Variants in GPC6 observed in about 807,000 individuals in gnomAD.
GPC6 encodes the protein glypican 6, also known as glypican-6.
A neutral mutation model predicts 55.2 loss-of-function variants in GPC6; 14 were observed. The observed-to-expected ratio is 0.25, with a 90% CI of 0.17 to 0.40. The LOEUF (loss-of-function observed/expected upper bound fraction) is 0.40. Ranked by LOEUF, GPC6 falls within the 10% of genes least tolerant of loss-of-function variation. The pLI is 1.00. For missense variants in GPC6, 641 were observed against 708.5 expected, an observed-to-expected ratio of 0.90 and a Z score of 1.08; for synonymous variants, 278 against 259.6, an observed-to-expected ratio of 1.07 and a Z score of -0.68.
At chr13:93,487,366 T>C (rs1879766508) in intron 1 of GPC6, among the ~76,000 whole-genome samples, 1 of 152,184 alleles carries the variant, frequency 6.6e-6, no homozygotes, top group African/African-American at 2.4e-5. Flanking sequence ...TTCTCCCTTC[T>C]CCCATCCTCT....
rs145461989 is a variant in GPC6 at position 93,717,257 on chromosome 13, A to T, written c.320-112897A>T. Among the ~76,000 whole-genome samples, 144 of 151,858 alleles carry T rather than the reference A, an allele frequency of 9.5e-4. 1 individual carries two copies. Among genetic ancestry groups the T allele is most frequent in the Non-Finnish European group, 1.8e-3 (120 of 67,778 alleles). On this transcript the variant is annotated intron_variant, in intron 2 of 8. Transcript: ENST00000377047. The stretch of plus-strand genomic sequence containing the variant: ...GTACTGTAGTTATTCTATAAATAAA[A>T]GGTCCAGTTTACCTTCATAATGAAA...
chr13:93,674,294 C>A (rs1197996701), intron 2 of GPC6, among the ~76,000 whole-genome samples: 6 of 152,122 alleles, frequency 3.9e-5, no homozygotes, highest in Admixed American at 2.6e-4. Context: ...AGCCCTAAAT[C>A]AAAAATTTCA....
intron 2 of GPC6, among the ~76,000 whole-genome samples, chr13:93,701,336 A>C (rs1269169880): frequency 6.6e-6 from 1 of 152,130 alleles, no homozygotes; most frequent in Non-Finnish European, 1.5e-5. Flanking sequence ...CAGTGCATTT[A>C]AAATTTGTGT....
chr13:93,444,195 C>CTTTTTTTTT (rs10659977), intron 1 of GPC6, among the ~76,000 whole-genome samples: 9 of 110,706 alleles, frequency 8.1e-5, no homozygotes, highest in African/African-American at 3.0e-4. Context: ...TGCAATTCTT[C>CTTTTTTTTT]TTTTTTTTTT....
chr13:94,319,514 T>C (rs1449546755), intron 6 of GPC6, among the ~76,000 whole-genome samples: 2 of 152,232 alleles, frequency 1.3e-5, no homozygotes, highest in African/African-American at 4.8e-5. Context: ...TTTACCACTT[T>C]CTTTGGTTAT....
At chr13:93,985,689 CAAAAAAAAA>C (rs34003218) in intron 3 of GPC6, among the ~76,000 whole-genome samples, 46 of 69,398 alleles carry the variant, frequency 6.6e-4, no homozygotes, top group Non-Finnish European at 1.1e-3. Context: ...AAGACCTGGC[CAAAAAAAAA>C]AAAAAAAAAA....
intron 2 of GPC6, among the ~76,000 whole-genome samples, chr13:93,703,188 C>T (rs1006317110): frequency 9.2e-5 from 14 of 151,794 alleles, no homozygotes; most frequent in African/African-American, 2.4e-4. Flanking sequence ...GTCACTTTAT[C>T]GGGGACTAGG....
At chr13:93,856,857 C>T (rs545075959) in intron 3 of GPC6, among the ~76,000 whole-genome samples, 2 of 151,648 alleles carry the variant, frequency 1.3e-5, no homozygotes, top group South Asian at 4.1e-4. Flanking sequence ...GTTCATTGTG[C>T]CTCCATTTAA....
intron 1 of GPC6, among the ~76,000 whole-genome samples, chr13:93,517,479 T>C (rs1030061688): frequency 6.6e-6 from 1 of 152,110 alleles, no homozygotes; most frequent in African/African-American, 2.4e-5. Flanking sequence ...AGTGGAGGTT[T>C]TGTTTGTTAT....
chr13:93,778,008 C>T (rs1885522561), intron 2 of GPC6, among the ~76,000 whole-genome samples: 1 of 152,112 alleles, frequency 6.6e-6, no homozygotes, highest in Admixed American at 6.6e-5. Context: ...CAAAGGTGAG[C>T]TTTTTCAATG....
At chr13:94,161,032 C>T (rs1235615763) in intron 4 of GPC6, among the ~76,000 whole-genome samples, 2 of 152,138 alleles carry the variant, frequency 1.3e-5, no homozygotes, top group African/African-American at 4.8e-5. Context: ...GAGCTGTGTC[C>T]TGAAAATTAT....
At chr13:94,355,157 G>A (rs1180812374) in intron 6 of GPC6, among the ~76,000 whole-genome samples, 2 of 151,960 alleles carry the variant, frequency 1.3e-5, no homozygotes, top group Non-Finnish European at 2.9e-5. Flanking sequence ...CCAAGTAGCT[G>A]GGATTACAGG....
chr13:93,429,146 A>AT (rs1214017664), intron 1 of GPC6, among the ~76,000 whole-genome samples: 1 of 152,088 alleles, frequency 6.6e-6, no homozygotes, highest in Non-Finnish European at 1.5e-5. Context: ...AATGACCTGA[A>AT]TTTTTTTATT....
At chr13:93,671,790 G>T (rs1428839495) in intron 2 of GPC6, among the ~76,000 whole-genome samples, 6 of 151,910 alleles carry the variant, frequency 3.9e-5, no homozygotes, top group Non-Finnish European at 8.8e-5. Context: ...CATCCTCTTT[G>T]CCAGCACACT....
intron 2 of GPC6, among the ~76,000 whole-genome samples, chr13:93,713,387 AT>A (rs1174531949): frequency 1.3e-5 from 2 of 151,722 alleles, no homozygotes; most frequent in East Asian, 3.9e-4. Context: ...AGCCAATAAA[AT>A]AGACAAATTA....
intron 3 of GPC6, among the ~76,000 whole-genome samples, chr13:93,958,119 TTGTC>T (rs1879593009): frequency 6.6e-6 from 1 of 152,206 alleles, no homozygotes; most frequent in Non-Finnish European, 1.5e-5. Context: ...TGTTAGACCT[TTGTC>T]TGATGCATGC....
intron 6 of GPC6, among the ~76,000 whole-genome samples, chr13:94,358,109 G>C (rs569256493): frequency 6.6e-6 from 1 of 152,026 alleles, no homozygotes; most frequent in African/African-American, 2.4e-5. Context: ...GACCAGTATG[G>C]TGAAACCCCA....
intron 4 of GPC6, among the ~76,000 whole-genome samples, chr13:94,037,351 G>C (rs570888369): frequency 6.6e-6 from 1 of 151,850 alleles, no homozygotes; most frequent in Non-Finnish European, 1.5e-5. Context: ...TGCGCTTCCC[G>C]AGTTTGTCCC....
intron 2 of GPC6, among the ~76,000 whole-genome samples, chr13:93,791,866 A>G (rs1008277210): frequency 2.6e-5 from 4 of 152,216 alleles, no homozygotes; most frequent in African/African-American, 9.6e-5. Context: ...TAACTGTCTC[A>G]AATGAATCTG....
Sources: allele counts gnomAD v4.1 joint callset (sites outside exome capture counted in the v4.1 genomes callset), GRCh38; gene constraint gnomAD v4.1.1; transcripts MANE v1.5; gene names NCBI Gene and HGNC (gene_info 2026-07-23, HGNC 2026-07-21).